Variants in FRMD6 observed in about 807,000 individuals in gnomAD.
FRMD6 encodes the protein FERM domain-containing protein 6.
FRMD6 carries 37 observed loss-of-function variants against 73.2 expected under a neutral mutation model. The ratio of observed to expected loss-of-function variants is 0.51; its 90% CI spans 0.39 to 0.66. FRMD6 has a LOEUF of 0.66. FRMD6 is among the 30% of genes least tolerant of loss of function. The probability of loss-of-function intolerance (pLI) is 0.00; values close to 1 mark genes in which losing one functional copy is unlikely to be tolerated. For synonymous variants in FRMD6, 273 were observed against 282.2 expected, an observed-to-expected ratio of 0.97 and a Z score of 0.33; for missense variants, 714 against 780.5, an observed-to-expected ratio of 0.91 and a Z score of 1.02.
At chr14:51,598,707 T>C (rs1252216288) in intron 2 of FRMD6, among the ~76,000 whole-genome samples, 3 of 152,212 alleles carry the variant, frequency 2.0e-5, no homozygotes, top group Non-Finnish European at 2.9e-5. Context: ...GTTGCATCCA[T>C]GTTTCTCAAA....
chr14:51,642,572 C>G (rs1891862879), intron 2 of FRMD6, among the ~76,000 whole-genome samples: 1 of 152,074 alleles, frequency 6.6e-6, no homozygotes. Context: ...ACAAAGGAGG[C>G]TAGAGACTAA....
the FRMD6 span, among the ~76,000 whole-genome samples, chr14:51,445,702 A>G: frequency 2.0e-5 from 3 of 152,192 alleles, no homozygotes; most frequent in East Asian, 5.8e-4. Flanking sequence ...CCTAAGTGAC[A>G]TCATCTCCCC....
intron 2 of FRMD6, among the ~76,000 whole-genome samples, chr14:51,588,941 C>A (rs1889215722): frequency 6.6e-6 from 1 of 152,180 alleles, no homozygotes; most frequent in Admixed American, 6.5e-5. Context: ...GTGACTGCAC[C>A]ATGACCACCA....
intron 2 of FRMD6, among the ~76,000 whole-genome samples, chr14:51,601,235 A>C (rs755776981): frequency 1.3e-5 from 2 of 152,188 alleles, no homozygotes; most frequent in Non-Finnish European, 2.9e-5. Context: ...CACAAGAGAA[A>C]ACCTGCTGGC....
At chr14:51,478,327 T>G in the FRMD6 span, among the ~76,000 whole-genome samples, 1 of 152,222 alleles carries the variant, frequency 6.6e-6, no homozygotes, top group Non-Finnish European at 1.5e-5. Flanking sequence ...TCATTGGATT[T>G]TTTTTCCAAG....
chr14:51,690,323 G>A (rs535304965), intron 2 of FRMD6, among the ~76,000 whole-genome samples: 38 of 152,104 alleles, frequency 2.5e-4, no homozygotes, highest in Non-Finnish European at 2.2e-4. Context: ...TGTGGCTTTC[G>A]CCATTGAAAG....
chr14:51,523,716 G>A (rs1282176236), intron 1 of FRMD6, among the ~76,000 whole-genome samples: 1 of 152,134 alleles, frequency 6.6e-6, no homozygotes, highest in Non-Finnish European at 1.5e-5. Flanking sequence ...TCATGCATAG[G>A]TCAAGGAGGC....
intron 1 of FRMD6, among the ~76,000 whole-genome samples, chr14:51,513,191 G>A (rs561188410): frequency 1.3e-5 from 2 of 152,138 alleles, no homozygotes; most frequent in South Asian, 2.1e-4. Context: ...CATTCCACAA[G>A]CTCCCAGGTT....
the FRMD6 span, among the ~76,000 whole-genome samples, chr14:51,414,496 C>G: frequency 2.0e-5 from 3 of 152,148 alleles, no homozygotes; most frequent in Admixed American, 6.5e-5. Context: ...GGCCTCTGTT[C>G]TTTTCCATTG....
At chr14:51,437,083 C>T in the FRMD6 span, 1 of 361,950 alleles carries the variant, frequency 2.8e-6, no homozygotes, top group Non-Finnish European at 5.2e-6. Flanking sequence ...TTTGCTGCAC[C>T]CATCAACTCA....
intron 2 of FRMD6, among the ~76,000 whole-genome samples, chr14:51,604,209 T>C (rs892577027): frequency 1.3e-5 from 2 of 152,196 alleles, no homozygotes; most frequent in African/African-American, 4.8e-5. Context: ...GGAAAATTTT[T>C]CCAACAGTTC....
the FRMD6 span, among the ~76,000 whole-genome samples, chr14:51,406,119 A>G: frequency 2.0e-5 from 3 of 151,836 alleles, no homozygotes; most frequent in Admixed American, 6.6e-5. Context: ...GTTTTTGTCA[A>G]GTTTGTCAAA....
intron 1 of FRMD6, among the ~76,000 whole-genome samples, chr14:51,519,932 G>A (rs553386478): frequency 1.3e-5 from 2 of 152,136 alleles, no homozygotes; most frequent in African/African-American, 2.4e-5. Flanking sequence ...TTCACTCCAC[G>A]CATTAGCAAA....
At chr14:51,479,937 G>A in the FRMD6 span, among the ~76,000 whole-genome samples, 2 of 152,108 alleles carry the variant, frequency 1.3e-5, no homozygotes, top group African/African-American at 4.8e-5. Flanking sequence ...AATAGAGAGG[G>A]TGGGGTGTGA....
chr14:51,566,022 G>A (rs1471876107), intron 1 of FRMD6, among the ~76,000 whole-genome samples: 4 of 152,226 alleles, frequency 2.6e-5, no homozygotes, highest in East Asian at 1.9e-4. Flanking sequence ...AAAATTAGCC[G>A]GGTGTGGTGG....
At chr14:51,716,284 G>A (rs953133554) in intron 10 of FRMD6, among the ~76,000 whole-genome samples, 2 of 150,850 alleles carry the variant, frequency 1.3e-5, no homozygotes, top group Admixed American at 1.3e-4. Context: ...GCTACATTAC[G>A]TATTTGGGTT....
chr14:51,563,924 C>T (rs1424750930), intron 1 of FRMD6, among the ~76,000 whole-genome samples: 2 of 152,154 alleles, frequency 1.3e-5, no homozygotes, highest in African/African-American at 2.4e-5. Context: ...AATAACTTTG[C>T]GATCGCAAGT....
intron 1 of FRMD6, among the ~76,000 whole-genome samples, chr14:51,504,922 C>A (rs1453610900): frequency 6.6e-6 from 1 of 152,194 alleles, no homozygotes; most frequent in Non-Finnish European, 1.5e-5. Flanking sequence ...AGCAGAGAAG[C>A]CAGCCAGCCA....
At chr14:51,506,895 T>C (rs1185832321) in intron 1 of FRMD6, among the ~76,000 whole-genome samples, 11 of 152,182 alleles carry the variant, frequency 7.2e-5, no homozygotes, top group Non-Finnish European at 1.0e-4. Flanking sequence ...ATATTTGTGA[T>C]GCATCGTAGA....
Sources: allele counts gnomAD v4.1 joint callset (sites outside exome capture counted in the v4.1 genomes callset), GRCh38; gene constraint gnomAD v4.1.1; transcripts MANE v1.5; gene names NCBI Gene and HGNC (gene_info 2026-07-23, HGNC 2026-07-21).